The following SH3RF3 variants were observed in gnomAD, a reference collection of about 807,000 sequenced individuals.
SH3RF3 encodes the protein E3 ubiquitin-protein ligase SH3RF3.
A neutral mutation model predicts 66.3 loss-of-function variants in SH3RF3; 29 were observed. The observed-to-expected ratio is 0.44, with a 90% CI of 0.33 to 0.60. The LOEUF (loss-of-function observed/expected upper bound fraction) is 0.60. SH3RF3 is among the 20% of genes least tolerant of loss of function. SH3RF3 has a pLI of 0.04. For synonymous variants in SH3RF3, 583 were observed against 532.0 expected, an observed-to-expected ratio of 1.10 and a Z score of -1.32; for missense variants, 1,194 against 1,190.9, an observed-to-expected ratio of 1.00 and a Z score of -0.04.
At chr2:109,434,059 T>A (rs1677329984) in intron 6 of SH3RF3, among the ~76,000 whole-genome samples, 1 of 152,224 alleles carries the variant, frequency 6.6e-6, no homozygotes. Context: ...TCTCTCAGCC[T>A]GCAACCGGCC....
intron 1 of SH3RF3, among the ~76,000 whole-genome samples, chr2:109,290,013 A>T (rs572098026): frequency 1.3e-5 from 2 of 152,336 alleles, no homozygotes; most frequent in South Asian, 4.1e-4. Flanking sequence ...CCTTGTTAAA[A>T]TGCAGATTCC....
chr2:109,307,460 A>G (rs1453726076), intron 1 of SH3RF3, among the ~76,000 whole-genome samples: 5 of 150,566 alleles, frequency 3.3e-5, no homozygotes, highest in African/African-American at 9.9e-5. Context: ...TTTAGGGTAC[A>G]TGTGCACATT....
At chr2:109,404,675 G>C (rs948157575) in intron 4 of SH3RF3, among the ~76,000 whole-genome samples, 4 of 152,136 alleles carry the variant, frequency 2.6e-5, no homozygotes, top group African/African-American at 7.2e-5. Context: ...CTCCCACCGG[G>C]TGCCCCCTCC....
chr2:109,480,610 C>A (rs917314226), intron 8 of SH3RF3, among the ~76,000 whole-genome samples: 2 of 152,148 alleles, frequency 1.3e-5, no homozygotes, highest in African/African-American at 4.8e-5. Flanking sequence ...CCATGGGGTG[C>A]TCTCTGCTGC....
intron 1 of SH3RF3, among the ~76,000 whole-genome samples, chr2:109,168,598 T>C (rs973678657): frequency 3.9e-5 from 6 of 152,346 alleles, no homozygotes; most frequent in South Asian, 2.1e-4. Flanking sequence ...CCAGACTGAC[T>C]GATCTGGCCG....
chr2:109,286,487 G>T (rs919602420), intron 1 of SH3RF3, among the ~76,000 whole-genome samples: 1 of 152,172 alleles, frequency 6.6e-6, no homozygotes, highest in African/African-American at 2.4e-5. Flanking sequence ...TCCCGCACAA[G>T]GCCATCTATG....
chr2:109,139,142 A>G (rs7565583), intron 1 of SH3RF3, among the ~76,000 whole-genome samples: 83,845 of 152,002 alleles, frequency 0.55, 23,719 homozygotes, highest in South Asian at 0.65. Flanking sequence ...CTTTATAATC[A>G]TATCCCAAAT....
At chr2:109,312,705 A>C (rs1681759277) in intron 1 of SH3RF3, among the ~76,000 whole-genome samples, 1 of 152,222 alleles carries the variant, frequency 6.6e-6, no homozygotes, top group Non-Finnish European at 1.5e-5. Flanking sequence ...TCAGAATTCC[A>C]TTCCCCTCTA....
At chr2:109,494,300 T>C (rs1302084151) in intron 9 of SH3RF3, among the ~76,000 whole-genome samples, 1 of 150,314 alleles carries the variant, frequency 6.7e-6, no homozygotes. Flanking sequence ...CTTTGGTGGC[T>C]CCTTGCACCC....
intron 8 of SH3RF3, among the ~76,000 whole-genome samples, chr2:109,468,887 G>C (rs1361560168): frequency 1.4e-5 from 2 of 147,200 alleles, no homozygotes; most frequent in Non-Finnish European, 3.0e-5. Flanking sequence ...GTTAAATTCA[G>C]AGCTGCTTCT....
At chr2:109,194,490 A>G (rs902918206) in intron 1 of SH3RF3, among the ~76,000 whole-genome samples, 1 of 152,210 alleles carries the variant, frequency 6.6e-6, no homozygotes, top group African/African-American at 2.4e-5. Flanking sequence ...GTCCTCTGAC[A>G]GGTGGGTGGT....
At chr2:109,266,094 G>A (rs1356284952) in intron 1 of SH3RF3, among the ~76,000 whole-genome samples, 4 of 151,684 alleles carry the variant, frequency 2.6e-5, no homozygotes, top group African/African-American at 4.9e-5. Context: ...TGTGTTGTGC[G>A]TGCATGTGTG....
At chr2:109,352,052 G>A (rs1280837474) in intron 2 of SH3RF3, among the ~76,000 whole-genome samples, 2 of 152,166 alleles carry the variant, frequency 1.3e-5, no homozygotes, top group Non-Finnish European at 2.9e-5. Flanking sequence ...ATCATGGCAC[G>A]TTTCTTTAAT....
intron 1 of SH3RF3, among the ~76,000 whole-genome samples, chr2:109,209,833 C>T (rs1678926723): frequency 1.3e-5 from 2 of 152,180 alleles, no homozygotes; most frequent in Admixed American, 1.3e-4. Flanking sequence ...ATTATTGTGA[C>T]AAAACATATA....
At chr2:109,372,435 C>T (rs1683293775) in intron 3 of SH3RF3, among the ~76,000 whole-genome samples, 2 of 152,216 alleles carry the variant, frequency 1.3e-5, no homozygotes, top group South Asian at 4.1e-4. Context: ...TGCTTTCATG[C>T]TGTAACCACC....
chr2:109,385,175 C>T (rs1181479658), intron 3 of SH3RF3, among the ~76,000 whole-genome samples: 3 of 152,246 alleles, frequency 2.0e-5, no homozygotes, highest in African/African-American at 7.2e-5. Context: ...CTGTCACTCC[C>T]TGTGCCTCAG....
intron 1 of SH3RF3, among the ~76,000 whole-genome samples, chr2:109,237,705 G>C (rs1426574535): frequency 6.6e-6 from 1 of 152,084 alleles, no homozygotes; most frequent in East Asian, 1.9e-4. Flanking sequence ...ACAAAAGATT[G>C]GACACTCCTA....
At chr2:109,451,964 C>T (rs777107049) in intron 8 of SH3RF3, among the ~76,000 whole-genome samples, 3 of 152,246 alleles carry the variant, frequency 2.0e-5, no homozygotes, top group Non-Finnish European at 4.4e-5. Context: ...AGAGGTTCAG[C>T]AAACCCCAGC....
intron 3 of SH3RF3, among the ~76,000 whole-genome samples, chr2:109,374,498 G>A (rs1222320795): frequency 6.6e-6 from 1 of 152,168 alleles, no homozygotes; most frequent in Non-Finnish European, 1.5e-5. Flanking sequence ...CTGGGAGGCC[G>A]CACAGGCATT....
Sources: gnomAD v4.1 joint callset for allele counts (sites outside exome capture counted in the v4.1 genomes callset) on GRCh38, gnomAD v4.1.1 for gene constraint, MANE v1.5 for transcripts, NCBI Gene and HGNC (gene_info 2026-07-23, HGNC 2026-07-21) for gene names.